The following ADAMTSL3 variants were observed in gnomAD, a reference collection of about 807,000 sequenced individuals.
ADAMTSL3 encodes ADAMTS-like protein 3.
A neutral mutation model predicts 201.7 loss-of-function variants in ADAMTSL3; 128 were observed. The observed-to-expected ratio is 0.63, with a 90% CI of 0.55 to 0.73. The LOEUF (loss-of-function observed/expected upper bound fraction) is 0.73. ADAMTSL3 is among the 30% of genes least tolerant of loss of function. The pLI is 0.00. For synonymous variants in ADAMTSL3, 738 were observed against 748.4 expected (o/e 0.99, Z 0.23); for missense variants, 1,990 against 2,119.6 (o/e 0.94, Z 1.20).
intron 20 of ADAMTSL3, among the ~76,000 whole-genome samples, chr15:83,977,028 C>G (rs2067300567): frequency 6.6e-6 from 1 of 152,196 alleles, no homozygotes; most frequent in Admixed American, 6.5e-5. Context: ...GGTCCATAGC[C>G]TGTTGGGAAC....
At chr15:83,867,205 G>C (rs986779139) in intron 8 of ADAMTSL3, among the ~76,000 whole-genome samples, 1 of 152,080 alleles carries the variant, frequency 6.6e-6, no homozygotes, top group African/African-American at 2.4e-5. Flanking sequence ...GCATTACTAA[G>C]AACTGAAAAT....
At chr15:83,997,736 T>TTTG (rs375588448) in intron 23 of ADAMTSL3, among the ~76,000 whole-genome samples, 101 of 152,204 alleles carry the variant, frequency 6.6e-4, no homozygotes, top group Non-Finnish European at 1.1e-3. Flanking sequence ...GTTACATTGT[T>TTTG]TTGTTGTTGT....
intron 7 of ADAMTSL3, among the ~76,000 whole-genome samples, chr15:83,854,452 G>A (rs979938847): frequency 6.6e-6 from 1 of 152,206 alleles, no homozygotes; most frequent in Non-Finnish European, 1.5e-5. Flanking sequence ...CAAAAGTGAT[G>A]CGTGATTTAT....
At chr15:84,021,718 C>A in intron 26 of ADAMTSL3, 125 bp downstream of exon 26, 1 of 993,376 alleles carries the variant, frequency 1.0e-6, no homozygotes, top group Non-Finnish European at 1.4e-6. Flanking sequence ...TACTAGGCAT[C>A]CTGCTAAGTG....
chr15:83,675,814 G>C (rs1415181501), intron 2 of ADAMTSL3, among the ~76,000 whole-genome samples: 2 of 151,972 alleles, frequency 1.3e-5, no homozygotes, highest in Admixed American at 1.3e-4. Flanking sequence ...TATATTGAGT[G>C]AATTTTGGTA....
At chr15:84,009,926 G>A (rs943898058) in intron 23 of ADAMTSL3, among the ~76,000 whole-genome samples, 14 of 152,226 alleles carry the variant, frequency 9.2e-5, no homozygotes, top group African/African-American at 2.4e-4. Flanking sequence ...GCTTCTTACC[G>A]TGGAGGAATA....
At chr15:83,747,595 G>A (rs1017309837) in intron 3 of ADAMTSL3, among the ~76,000 whole-genome samples, 2 of 152,128 alleles carry the variant, frequency 1.3e-5, no homozygotes, top group Non-Finnish European at 2.9e-5. Flanking sequence ...GCTTTTAAGT[G>A]TTCCCCTGGA....
chr15:83,800,446 A>G (rs1464204878), intron 4 of ADAMTSL3, among the ~76,000 whole-genome samples: 4 of 152,180 alleles, frequency 2.6e-5, no homozygotes, highest in Non-Finnish European at 4.4e-5. Context: ...AATGGAGTGT[A>G]GACCATTGCT....
At chr15:83,795,437 GC>G (rs1331327591) in intron 4 of ADAMTSL3, among the ~76,000 whole-genome samples, 1 of 152,088 alleles carries the variant, frequency 6.6e-6, no homozygotes, top group Non-Finnish European at 1.5e-5. Context: ...AAAAACTCAG[GC>G]TGTTGAGTTT....
intron 5 of ADAMTSL3, among the ~76,000 whole-genome samples, chr15:83,808,251 A>G (rs139090759): frequency 0.021 from 3,256 of 152,320 alleles, 130 homozygotes; most frequent in African/African-American, 0.074. Flanking sequence ...AAATATTTAG[A>G]ATATATAAGG....
At chr15:84,029,109 A>G (rs1445875353) in intron 27 of ADAMTSL3, among the ~76,000 whole-genome samples, 1 of 152,216 alleles carries the variant, frequency 6.6e-6, no homozygotes, top group Non-Finnish European at 1.5e-5. Context: ...GTAAATTGGT[A>G]CAGCAGAGAG....
At chr15:84,026,818 C>G (rs190692488) in intron 27 of ADAMTSL3, among the ~76,000 whole-genome samples, 44 of 152,040 alleles carry the variant, frequency 2.9e-4, no homozygotes, top group Admixed American at 1.4e-3. Flanking sequence ...ATATATAAAA[C>G]TATTGGAAAA....
At chr15:83,979,842 T>C (rs1232366615) in intron 20 of ADAMTSL3, among the ~76,000 whole-genome samples, 1 of 152,230 alleles carries the variant, frequency 6.6e-6, no homozygotes. Context: ...CAAATTGTCT[T>C]TCAGTGAAAG....
intron 8 of ADAMTSL3, among the ~76,000 whole-genome samples, chr15:83,870,384 A>T (rs1376935123): frequency 6.6e-6 from 1 of 152,252 alleles, no homozygotes; most frequent in East Asian, 1.9e-4. Flanking sequence ...TTTCAAAATC[A>T]AAAGTTTTGT....
At chr15:83,994,857 A>T (rs1304187935) in intron 23 of ADAMTSL3, among the ~76,000 whole-genome samples, 1 of 145,308 alleles carries the variant, frequency 6.9e-6, no homozygotes, top group African/African-American at 2.6e-5. Context: ...TAATCCACCC[A>T]CCTCAGCCTC....
intron 23 of ADAMTSL3, among the ~76,000 whole-genome samples, chr15:84,003,512 G>T (rs755651770): frequency 7.2e-5 from 11 of 152,136 alleles, no homozygotes; most frequent in Non-Finnish European, 1.5e-4. Context: ...GGTGCCTCCT[G>T]GCTGGCCTGT....
intron 7 of ADAMTSL3, among the ~76,000 whole-genome samples, chr15:83,849,068 C>T (rs902239922): frequency 1.3e-5 from 2 of 152,098 alleles, no homozygotes; most frequent in African/African-American, 4.8e-5. Context: ...TCTAGGTGTC[C>T]CAGACATGAG....
intron 20 of ADAMTSL3, among the ~76,000 whole-genome samples, chr15:83,972,059 C>T (rs533561297): frequency 6.6e-6 from 1 of 152,022 alleles, no homozygotes; most frequent in Non-Finnish European, 1.5e-5. Flanking sequence ...ATGTGGAGTT[C>T]TTTGCATGCA....
chr15:83,772,431 C>T (rs910020673), intron 3 of ADAMTSL3, among the ~76,000 whole-genome samples: 2 of 152,068 alleles, frequency 1.3e-5, no homozygotes, highest in African/African-American at 4.8e-5. Context: ...GTACTTTTTA[C>T]TTGTAATTTC....
Sources: allele counts gnomAD v4.1 joint callset (sites outside exome capture counted in the v4.1 genomes callset), GRCh38; gene constraint gnomAD v4.1.1; transcripts MANE v1.5; gene names NCBI Gene and HGNC (gene_info 2026-07-23, HGNC 2026-07-21).